IARS2: variants seen among roughly 807,000 people sequenced by gnomAD.
IARS2 encodes the protein isoleucine--tRNA ligase, mitochondrial.
A neutral mutation model predicts 126.3 loss-of-function variants in IARS2; 56 were observed. The ratio of observed to expected loss-of-function variants is 0.44; its 90% CI spans 0.36 to 0.55. The LOEUF (loss-of-function observed/expected upper bound fraction) is 0.55. Ranked by LOEUF, IARS2 falls within the 20% of genes least tolerant of loss-of-function variation. IARS2 has a pLI of 0.00. For missense variants in IARS2, 1,127 were observed against 1,245.9 expected, an observed-to-expected ratio of 0.90 and a Z score of 1.44; for synonymous variants, 407 against 441.1, an observed-to-expected ratio of 0.92 and a Z score of 0.97.
chr1:220,113,056 A>T lies in IARS2; in HGVS notation c.1480-1258A>T, dbSNP rs1571850801. The stretch of plus-strand genomic sequence containing the variant: ...TTTTTTGTATTTTTGGTAGAGACGG[A>T]GTTTCTCCATGTTGGCCAGGCTGGT... On this transcript the variant is annotated intron_variant, in intron 11 of 22. Transcript: ENST00000366922. 2.0e-5 allele frequency among the ~76,000 whole-genome samples: 3 copies of T among 151,936 alleles called. No homozygotes were observed. In the South Asian group the frequency reaches 6.3e-4, roughly 32 times the overall value.
rs1232978026 is a variant in IARS2 at position 220,137,887 on chromosome 1, T to C, written c.2050-31T>C. 2.5e-6 allele frequency: 4 copies of C among 1,612,522 alleles called. No individual in the cohort carries two copies. The South Asian group carries it at 4.4e-5, about 18-fold the overall frequency. On this transcript the variant is annotated intron_variant, in intron 16 of 22. Coordinates refer to ENST00000366922, the MANE Select transcript of IARS2 (RefSeq NM_018060.4). Reference sequence around the variant, plus strand: ...TCGGCTAATTGGAATTGAAAGCCATTGTGTTTATATATTTTTTTCTCAATG... The same window carrying C: ...TCGGCTAATTGGAATTGAAAGCCATCGTGTTTATATATTTTTTTCTCAATG...
intron 20 of IARS2, among the ~76,000 whole-genome samples, 153 bp from the exon 21 acceptor site, chr1:220,142,791 G>A (rs560652533): frequency 6.6e-6 from 1 of 151,262 alleles, no homozygotes; most frequent in South Asian, 2.1e-4. Context: ...TAAATGTTTT[G>A]TAAATAATTA....
At chr1:220,095,356 G>T (rs1280531609) in intron 1 of IARS2, among the ~76,000 whole-genome samples, 1 of 152,196 alleles carries the variant, frequency 6.6e-6, no homozygotes, top group Admixed American at 6.5e-5. Flanking sequence ...AACTTTCTAA[G>T]AGCAGAGATT....
At chr1:220,117,972 C>T (rs1399897996) in intron 12 of IARS2, 1 of 481,992 alleles carries the variant, frequency 2.1e-6, no homozygotes. Flanking sequence ...TGACTTTAAT[C>T]CTCTTCCATT....
At chr1:220,130,787 T>C (rs1241960342) in intron 14 of IARS2, among the ~76,000 whole-genome samples, 1 of 152,122 alleles carries the variant, frequency 6.6e-6, no homozygotes, top group Non-Finnish European at 1.5e-5. Flanking sequence ...TAGGGGTTTA[T>C]TTTCATTCTT....
intron 8 of IARS2, among the ~76,000 whole-genome samples, chr1:220,105,238 C>A (rs1473278371): frequency 6.6e-6 from 1 of 152,164 alleles, no homozygotes; most frequent in East Asian, 1.9e-4. Flanking sequence ...CTGCACCCAG[C>A]CCCCTGCTCT....
At chr1:220,139,389 A>G (rs544515318) in intron 18 of IARS2, among the ~76,000 whole-genome samples, 21 of 152,342 alleles carry the variant, frequency 1.4e-4, no homozygotes, top group African/African-American at 4.8e-4. Flanking sequence ...AAGTACAGAA[A>G]TAACCAAAAT....
chr1:220,097,038 T>G (rs1656459852), intron 2 of IARS2, among the ~76,000 whole-genome samples: 1 of 149,058 alleles, frequency 6.7e-6, no homozygotes, highest in Admixed American at 6.7e-5. Flanking sequence ...AGAGCAAGAT[T>G]CCGTCTCAAA....
chr1:220,131,883 C>T (rs565348809), intron 14 of IARS2, among the ~76,000 whole-genome samples: 59 of 151,426 alleles, frequency 3.9e-4, no homozygotes, highest in African/African-American at 1.4e-3. Context: ...CTGCAACCCC[C>T]GCCTCCTAGG....
intron 8 of IARS2, among the ~76,000 whole-genome samples, chr1:220,105,506 T>C (rs940779958): frequency 6.6e-6 from 1 of 152,156 alleles, no homozygotes; most frequent in Non-Finnish European, 1.5e-5. Flanking sequence ...GTAGTAGGAA[T>C]GTTGAAGAGC....
intron 10 of IARS2, among the ~76,000 whole-genome samples, chr1:220,107,408 T>C (rs1437886306): frequency 6.6e-6 from 1 of 152,182 alleles, no homozygotes; most frequent in Non-Finnish European, 1.5e-5. Context: ...CAGTATTACT[T>C]TTGTGGAAGG....
chr1:220,102,093 T>C (rs747221820), intron 3 of IARS2, 36 bp from the exon 4 acceptor site: 1 of 1,566,498 alleles, frequency 6.4e-7, no homozygotes, highest in Non-Finnish European at 8.7e-7. Context: ...TCGAATTCAT[T>C]GGTTTTTTAA....
At chr1:220,119,586 A>G (rs1278424117) in intron 12 of IARS2, among the ~76,000 whole-genome samples, 1 of 152,166 alleles carries the variant, frequency 6.6e-6, no homozygotes, top group Non-Finnish European at 1.5e-5. Context: ...AAAATTATTT[A>G]AGAAATCTTT....
At chr1:220,113,347 G>A (rs1402297530) in intron 11 of IARS2, among the ~76,000 whole-genome samples, 1 of 152,156 alleles carries the variant, frequency 6.6e-6, no homozygotes, top group Non-Finnish European at 1.5e-5. Context: ...GCTACAGAGA[G>A]CTTTGTGGGA....
At chr1:220,139,220 A>G in intron 18 of IARS2, 81 bp downstream of exon 18, 1 of 1,082,038 alleles carries the variant, frequency 9.2e-7, no homozygotes, top group East Asian at 2.6e-5. Context: ...ATCTGAGTGG[A>G]ACAGACCTTG....
intron 10 of IARS2, among the ~76,000 whole-genome samples, chr1:220,108,618 C>T (rs1656730528): frequency 6.6e-6 from 1 of 152,054 alleles, no homozygotes; most frequent in Non-Finnish European, 1.5e-5. Flanking sequence ...ATCTCCTGAC[C>T]TCGTGATCCA....
intron 21 of IARS2, 135 bp from the exon 22 acceptor site, chr1:220,145,374 T>G: frequency 1.6e-6 from 1 of 644,152 alleles, no homozygotes; most frequent in Non-Finnish European, 2.6e-6. Flanking sequence ...ATACATTTAG[T>G]GATGTTTGCT....
At chr1:220,130,915 T>G (rs1195598148) in intron 14 of IARS2, among the ~76,000 whole-genome samples, 1 of 152,202 alleles carries the variant, frequency 6.6e-6, no homozygotes, top group African/African-American at 2.4e-5. Flanking sequence ...TAGATTTATT[T>G]CTGGGTTCTC....
At chr1:220,106,146 A>G in intron 9 of IARS2, 86 bp downstream of exon 9, 1 of 1,191,426 alleles carries the variant, frequency 8.4e-7, no homozygotes, top group South Asian at 1.6e-5. Context: ...TTTTTTAAAA[A>G]TGATGACTTT....
Sources: gnomAD v4.1 joint callset for allele counts (sites outside exome capture counted in the v4.1 genomes callset) on GRCh38, gnomAD v4.1.1 for gene constraint, MANE v1.5 for transcripts, NCBI Gene and HGNC (gene_info 2026-07-23, HGNC 2026-07-21) for gene names.